Variants in SPOCK3 observed in about 807,000 individuals in gnomAD.
SPOCK3 encodes testican-3.
A neutral mutation model predicts 56.6 loss-of-function variants in SPOCK3; 30 were observed. The ratio of observed to expected loss-of-function variants is 0.53; its 90% confidence interval spans 0.40 to 0.72. SPOCK3 has a LOEUF of 0.72. SPOCK3 is among the 30% of genes least tolerant of loss of function. The pLI is 0.00. For missense variants in SPOCK3, 527 were observed against 530.0 expected (o/e 0.99, Z 0.06); for synonymous variants, 196 against 183.3 (o/e 1.07, Z -0.56).
intron 5 of SPOCK3, among the ~76,000 whole-genome samples, chr4:166,891,697 G>C (rs1734803909): frequency 1.3e-5 from 2 of 151,908 alleles, no homozygotes; most frequent in Admixed American, 6.6e-5. Flanking sequence ...TTTAATGAAA[G>C]CCAAATGAAT....
At chr4:167,176,770 C>T (rs968372820) in intron 2 of SPOCK3, among the ~76,000 whole-genome samples, 16 of 151,996 alleles carry the variant, frequency 1.1e-4, no homozygotes, top group Admixed American at 9.2e-4. Context: ...GCAGGGAAAT[C>T]CTCAGCATTT....
chr4:166,846,061 G>T (rs1460051992), intron 6 of SPOCK3, among the ~76,000 whole-genome samples: 2 of 152,100 alleles, frequency 1.3e-5, no homozygotes, highest in Non-Finnish European at 2.9e-5. Context: ...AAAAGGTAAT[G>T]CTTTGAGCTA....
chr4:166,746,798 A>G (rs1453475454), intron 8 of SPOCK3, among the ~76,000 whole-genome samples: 5 of 151,992 alleles, frequency 3.3e-5, no homozygotes, highest in Admixed American at 6.6e-5. Flanking sequence ...ATGATAAAGG[A>G]GATATCACCA....
intron 7 of SPOCK3, among the ~76,000 whole-genome samples, chr4:166,777,269 A>G (rs1739655556): frequency 6.6e-6 from 1 of 152,226 alleles, no homozygotes; most frequent in Non-Finnish European, 1.5e-5. Context: ...CAGTATAATA[A>G]AAGCAAAATA....
chr4:166,917,862 C>T (rs1738047484), intron 4 of SPOCK3, among the ~76,000 whole-genome samples: 1 of 152,064 alleles, frequency 6.6e-6, no homozygotes, highest in Admixed American at 6.6e-5. Context: ...AGTGTGAAAA[C>T]TAATACATAC....
intron 3 of SPOCK3, among the ~76,000 whole-genome samples, chr4:167,016,535 C>G (rs942752173): frequency 5.9e-5 from 9 of 151,580 alleles, no homozygotes; most frequent in Middle Eastern, 3.4e-3. Flanking sequence ...AAAAGGAACC[C>G]AGAAAATCTT....
intron 4 of SPOCK3, among the ~76,000 whole-genome samples, chr4:166,986,403 A>G (rs955272488): frequency 6.6e-6 from 1 of 152,052 alleles, no homozygotes; most frequent in South Asian, 2.1e-4. Context: ...GGGACTCCCA[A>G]TGATATCAAA....
At chr4:167,095,684 C>T (rs1381204079) in intron 2 of SPOCK3, among the ~76,000 whole-genome samples, 1 of 151,772 alleles carries the variant, frequency 6.6e-6, no homozygotes, top group African/African-American at 2.4e-5. Flanking sequence ...TCTGTACTCA[C>T]AAAATTTATA....
intron 2 of SPOCK3, among the ~76,000 whole-genome samples, chr4:167,142,925 T>C (rs545662622): frequency 6.6e-6 from 1 of 152,084 alleles, no homozygotes; most frequent in African/African-American, 2.4e-5. Flanking sequence ...CAGGTCCTCA[T>C]GATGATAAAA....
At chr4:166,744,717 G>C (rs1410667942) in intron 8 of SPOCK3, among the ~76,000 whole-genome samples, 4 of 152,116 alleles carry the variant, frequency 2.6e-5, no homozygotes, top group African/African-American at 9.7e-5. Flanking sequence ...CGAACCCATT[G>C]CAAGGCAGCT....
At chr4:167,047,786 G>A (rs542608260) in intron 3 of SPOCK3, among the ~76,000 whole-genome samples, 28 of 152,170 alleles carry the variant, frequency 1.8e-4, no homozygotes, top group Non-Finnish European at 4.1e-4. Flanking sequence ...TGTGGCTCAC[G>A]CCTGTAATCC....
chr4:167,206,344 G>A (rs1286536618), intron 2 of SPOCK3, among the ~76,000 whole-genome samples: 2 of 151,804 alleles, frequency 1.3e-5, no homozygotes, highest in African/African-American at 2.4e-5. Flanking sequence ...AAAAAAATAA[G>A]TATGTTTATG....
intron 3 of SPOCK3, among the ~76,000 whole-genome samples, chr4:167,054,331 A>G (rs1754555237): frequency 1.3e-5 from 2 of 152,240 alleles, no homozygotes; most frequent in African/African-American, 2.4e-5. Flanking sequence ...TGAAAGCTAC[A>G]GCATATTCAT....
chr4:166,745,001 T>G (rs1020227212), intron 8 of SPOCK3, among the ~76,000 whole-genome samples: 1 of 151,982 alleles, frequency 6.6e-6, no homozygotes, highest in African/African-American at 2.4e-5. Flanking sequence ...AGAGACCAAA[T>G]CTACATTTGA....
intron 4 of SPOCK3, among the ~76,000 whole-genome samples, chr4:166,952,113 T>C (rs1200103167): frequency 1.3e-5 from 2 of 152,070 alleles, no homozygotes; most frequent in Non-Finnish European, 2.9e-5. Context: ...AAATAAAGGG[T>C]ATTCAATTAG....
At position 167,065,037 on chromosome 4, in the gene SPOCK3, CAAAAAAAAA is replaced by C. The variant is rs56284627; in HGVS notation, c.190-2509_190-2501del. ...CTATTTTCAAATCCAATGCCCTCTC[CAAAAAAAAA>C]AAAAAAAAAAAAAAGTCAAACGCAG... On this transcript the variant is annotated intron_variant, in intron 2 of 10. Coordinates refer to ENST00000357545, the MANE Select transcript of SPOCK3 (RefSeq NM_001040159.2). 3.4e-3 allele frequency among the ~76,000 whole-genome samples: 215 copies of C among 64,064 alleles called. 4 individuals carry two copies. The highest frequency in any genetic ancestry group is 0.016 in the African/African-American group (204 of 12,694). 42.0% of individuals were successfully genotyped at this position (64,064 alleles called of 152,430 possible).
intron 6 of SPOCK3, among the ~76,000 whole-genome samples, chr4:166,799,020 A>AT (rs1455849380): frequency 2.0e-5 from 3 of 152,270 alleles, no homozygotes; most frequent in Middle Eastern, 3.4e-3. Context: ...TAATGCCAAG[A>AT]TTTTTTAAGG....
chr4:166,750,756 A>G (rs958142745), intron 8 of SPOCK3, among the ~76,000 whole-genome samples: 1 of 152,230 alleles, frequency 6.6e-6, no homozygotes, highest in Admixed American at 6.6e-5. Context: ...ATTGGGATAA[A>G]TAAATTTAAA....
At chr4:167,190,678 T>C (rs1446768406) in intron 2 of SPOCK3, among the ~76,000 whole-genome samples, 1 of 145,848 alleles carries the variant, frequency 6.9e-6, no homozygotes, top group Non-Finnish European at 1.5e-5. Context: ...ATCCAAAAGA[T>C]CATTGCCAAA....
Sources: gnomAD v4.1 joint callset for allele counts (sites outside exome capture counted in the v4.1 genomes callset) on GRCh38, gnomAD v4.1.1 for gene constraint, MANE v1.5 for transcripts, NCBI Gene and HGNC (gene_info 2026-07-23, HGNC 2026-07-21) for gene names.